The following EXOC6B variants were observed in gnomAD, a reference collection of about 807,000 sequenced individuals.
EXOC6B encodes exocyst complex component 6B, also known as SEC15 homolog B.
A neutral mutation model predicts 113.5 loss-of-function variants in EXOC6B; 54 were observed. The observed-to-expected ratio is 0.48, with a 90% confidence interval of 0.38 to 0.60. The LOEUF (loss-of-function observed/expected upper bound fraction) is 0.60. Ranked by LOEUF, EXOC6B falls within the 20% of genes least tolerant of loss-of-function variation. The pLI, the probability that EXOC6B is intolerant of heterozygous loss-of-function variation, is 0.00. For synonymous variants in EXOC6B, 357 were observed against 339.0 expected (o/e 1.05, Z -0.58); for missense variants, 797 against 977.5 (o/e 0.82, Z 2.46).
chr2:72,211,708 A>G (rs1305329849), intron 20 of EXOC6B, among the ~76,000 whole-genome samples: 1 of 152,208 alleles, frequency 6.6e-6, no homozygotes, highest in East Asian at 1.9e-4. Context: ...GGTAAATTTG[A>G]TATGTGGTCA....
At chr2:72,373,057 C>CAGA (rs1691134068) in intron 19 of EXOC6B, among the ~76,000 whole-genome samples, 1 of 150,282 alleles carries the variant, frequency 6.7e-6, no homozygotes, top group Non-Finnish European at 1.5e-5. Flanking sequence ...ATATCAGTCT[C>CAGA]GGAAGACTTT....
chr2:72,518,678 C>T (rs1338263848), intron 8 of EXOC6B, among the ~76,000 whole-genome samples: 1 of 151,962 alleles, frequency 6.6e-6, no homozygotes, highest in African/African-American at 2.4e-5. Context: ...CATCACATAT[C>T]CTAAGAATCT....
intron 1 of EXOC6B, among the ~76,000 whole-genome samples, chr2:72,777,155 C>T (rs1023253740): frequency 2.0e-5 from 3 of 152,062 alleles, no homozygotes; most frequent in African/African-American, 7.2e-5. Context: ...GCAGGAGAAT[C>T]GCTTGAACCT....
intron 18 of EXOC6B, among the ~76,000 whole-genome samples, chr2:72,389,818 T>C (rs1476702485): frequency 2.0e-5 from 3 of 152,332 alleles, no homozygotes; most frequent in Non-Finnish European, 2.9e-5. Flanking sequence ...AGAGTTTCTT[T>C]TTATCGTTGT....
At chr2:72,751,086 G>A (rs1382223510) in intron 1 of EXOC6B, among the ~76,000 whole-genome samples, 1 of 151,990 alleles carries the variant, frequency 6.6e-6, no homozygotes, top group Non-Finnish European at 1.5e-5. Context: ...ATGAATATAT[G>A]AACCCAAAAT....
At chr2:72,724,719 A>G (rs945248309) in intron 5 of EXOC6B, among the ~76,000 whole-genome samples, 1 of 152,180 alleles carries the variant, frequency 6.6e-6, no homozygotes, top group African/African-American at 2.4e-5. Flanking sequence ...ACAAATAATA[A>G]AAGAAATAAA....
chr2:72,228,513 C>T (rs568623327), intron 20 of EXOC6B, among the ~76,000 whole-genome samples: 147 of 150,198 alleles, frequency 9.8e-4, no homozygotes, highest in South Asian at 5.3e-3. Flanking sequence ...TGAGAACATG[C>T]GGTGTTTGGT....
chr2:72,742,302 TAA>T (rs1452606877), intron 1 of EXOC6B, among the ~76,000 whole-genome samples: 1 of 152,218 alleles, frequency 6.6e-6, no homozygotes, highest in Non-Finnish European at 1.5e-5. Context: ...CATGTGTATA[TAA>T]ACATAACTTT....
At chr2:72,462,822 C>G (rs1474538046) in intron 18 of EXOC6B, 2 of 152,006 alleles carry the variant, frequency 1.3e-5, no homozygotes, top group Admixed American at 6.6e-5. Context: ...TTTTATAGAA[C>G]TTCTAAAGTG....
intron 1 of EXOC6B, among the ~76,000 whole-genome samples, chr2:72,799,552 A>G (rs1314384966): frequency 6.6e-6 from 1 of 152,188 alleles, no homozygotes; most frequent in East Asian, 1.9e-4. Flanking sequence ...CCTGAGCCAA[A>G]GAGCAAGACC....
chr2:72,374,567 A>T (rs1572990426), intron 19 of EXOC6B, among the ~76,000 whole-genome samples: 6 of 152,018 alleles, frequency 3.9e-5, no homozygotes. Context: ...GTTGAGAGGG[A>T]AGGTGGGGAT....
At chr2:72,375,608 A>G (rs968659347) in intron 19 of EXOC6B, among the ~76,000 whole-genome samples, 3 of 152,220 alleles carry the variant, frequency 2.0e-5, no homozygotes, top group Non-Finnish European at 4.4e-5. Context: ...AAATACTGAA[A>G]TGAATAAAAA....
At chr2:72,667,692 C>T (rs562665935) in intron 6 of EXOC6B, among the ~76,000 whole-genome samples, 6 of 152,086 alleles carry the variant, frequency 3.9e-5, no homozygotes, top group Non-Finnish European at 8.8e-5. Context: ...TGAAACTGGA[C>T]CCCTACCTTT....
At chr2:72,514,307 G>A (rs941703997) in intron 10 of EXOC6B, among the ~76,000 whole-genome samples, 2 of 151,880 alleles carry the variant, frequency 1.3e-5, no homozygotes. Flanking sequence ...AACTTTTGCT[G>A]ATTATTTGGT....
chr2:72,585,214 T>C (rs1370714730), intron 6 of EXOC6B, among the ~76,000 whole-genome samples: 5 of 152,110 alleles, frequency 3.3e-5, no homozygotes, highest in African/African-American at 1.2e-4. Flanking sequence ...AAATTAAAAA[T>C]GGGTTGTTCT....
At chr2:72,802,139 A>G (rs1426234265) in intron 1 of EXOC6B, among the ~76,000 whole-genome samples, 1 of 152,152 alleles carries the variant, frequency 6.6e-6, no homozygotes, top group Non-Finnish European at 1.5e-5. Context: ...CCTGACCAAC[A>G]TGGTGAAACC....
In EXOC6B at chr2:72,239,450, G is replaced by A. The variant is rs116538061; in HGVS notation, c.2197-55263C>T. Among the ~76,000 whole-genome samples, 424 of 152,276 alleles carry A rather than the reference G, an allele frequency of 2.8e-3. 3 individuals carry two copies. The highest frequency in any genetic ancestry group is 9.1e-3 in the African/African-American group (377 of 41,558). On this transcript the variant is annotated intron_variant, in intron 20 of 21. Coordinates refer to ENST00000272427, the MANE Select transcript of EXOC6B (RefSeq NM_015189.3). ...GGAAAAGACTATTCTTTCCCTCACT[G>A]AATTGTCTTTGCATACTTGTCAAAA...
At chr2:72,273,787 A>C (rs1031494768) in intron 20 of EXOC6B, among the ~76,000 whole-genome samples, 8 of 152,120 alleles carry the variant, frequency 5.3e-5, no homozygotes, top group Admixed American at 5.3e-4. Context: ...ATAGACCTTG[A>C]AGAGTTTTAA....
At chr2:72,263,261 C>CTT (rs1683851185) in intron 20 of EXOC6B, 1 of 152,256 alleles carries the variant, frequency 6.6e-6, no homozygotes. Context: ...CTGTGCAGTA[C>CTT]TTTGACTATG....
Sources: allele counts gnomAD v4.1 joint callset (sites outside exome capture counted in the v4.1 genomes callset), GRCh38; gene constraint gnomAD v4.1.1; transcripts MANE v1.5; gene names NCBI Gene and HGNC (gene_info 2026-07-23, HGNC 2026-07-21).